EXOC6: variants seen among roughly 807,000 people sequenced by gnomAD.
EXOC6 encodes exocyst complex component 6.
A neutral mutation model predicts 112.5 loss-of-function variants in EXOC6; 60 were observed. The observed-to-expected ratio is 0.53, with a 90% CI of 0.43 to 0.66. The LOEUF is 0.66. EXOC6 is among the 30% of genes least tolerant of loss of function. EXOC6 has a pLI of 0.00. For missense variants in EXOC6, 855 were observed against 957.1 expected, an observed-to-expected ratio of 0.89 and a Z score of 1.41; for synonymous variants, 295 against 308.0, an observed-to-expected ratio of 0.96 and a Z score of 0.44.
chr10:92,835,780 G>T (rs1279040220), intron 1 of EXOC6, among the ~76,000 whole-genome samples: 1 of 152,144 alleles, frequency 6.6e-6, no homozygotes, highest in East Asian at 1.9e-4. Context: ...AAACAATTGA[G>T]ATTTGTTGGT....
chr10:92,884,270 G>A (rs1043302993), intron 1 of EXOC6, among the ~76,000 whole-genome samples: 4 of 152,210 alleles, frequency 2.6e-5, no homozygotes, highest in African/African-American at 7.2e-5. Flanking sequence ...CACAAGCAGT[G>A]TCAATGCCCA....
At chr10:92,981,944 C>T (rs536401262) in intron 18 of EXOC6, among the ~76,000 whole-genome samples, 16 of 152,164 alleles carry the variant, frequency 1.1e-4, no homozygotes, top group South Asian at 6.2e-4. Context: ...GGTGAAACTC[C>T]GTCTGTACTA....
chr10:92,860,917 G>A (rs960749097), intron 1 of EXOC6, among the ~76,000 whole-genome samples: 3 of 151,888 alleles, frequency 2.0e-5, no homozygotes, highest in Non-Finnish European at 2.9e-5. Flanking sequence ...CAGTGAACAT[G>A]GGTGTACCAA....
chr10:92,907,634 C>A (rs555317628), intron 5 of EXOC6, among the ~76,000 whole-genome samples: 2 of 152,150 alleles, frequency 1.3e-5, no homozygotes, highest in Non-Finnish European at 2.9e-5. Context: ...AGAAACCATA[C>A]CTGTTGTAGA....
chr10:92,910,227 G>A (rs553324678), intron 6 of EXOC6, among the ~76,000 whole-genome samples: 7 of 152,228 alleles, frequency 4.6e-5, no homozygotes, highest in African/African-American at 1.7e-4. Flanking sequence ...CAACCCAAAT[G>A]GCTTTCAGAA....
At chr10:93,005,958 G>A (rs1843958625) in intron 19 of EXOC6, among the ~76,000 whole-genome samples, 4 of 152,088 alleles carry the variant, frequency 2.6e-5, no homozygotes, top group Admixed American at 1.3e-4. Flanking sequence ...CCAGGGGTTC[G>A]AGACCAGCCT....
At chr10:93,000,664 T>C (rs1329413466) in intron 19 of EXOC6, among the ~76,000 whole-genome samples, 1 of 152,200 alleles carries the variant, frequency 6.6e-6, no homozygotes, top group Non-Finnish European at 1.5e-5. Flanking sequence ...TATGGTTGGC[T>C]CTACTTCTTA....
chr10:92,885,214 A>G (rs1291704678), intron 1 of EXOC6, among the ~76,000 whole-genome samples: 1 of 152,220 alleles, frequency 6.6e-6, no homozygotes, highest in African/African-American at 2.4e-5. Flanking sequence ...GGGTTGATAT[A>G]ATGAAGATAG....
At chr10:92,892,184 A>G (rs55944050) in intron 1 of EXOC6, among the ~76,000 whole-genome samples, 58,838 of 151,928 alleles carry the variant, frequency 0.39, 11,727 homozygotes, top group Middle Eastern at 0.49. Context: ...AAGTTGTTAC[A>G]CTCATAGTTA....
At chr10:92,996,881 T>C (rs527896894) in intron 18 of EXOC6, among the ~76,000 whole-genome samples, 3 of 152,304 alleles carry the variant, frequency 2.0e-5, no homozygotes, top group South Asian at 4.1e-4. Context: ...CATCTGTAGA[T>C]AATCTTGAAG....
In EXOC6 at chr10:92,837,023, A is replaced by G. The variant is rs562602144; in HGVS notation, c.86+2199A>G. Among the ~76,000 whole-genome samples, 9 of 151,954 alleles carry G rather than the reference A, an allele frequency of 5.9e-5. No individual in the cohort carries two copies. The South Asian group carries it at 1.5e-3, about 25-fold the overall frequency. ...AGGTGCTAGGCCTTGTGGAAACTCT[A>G]TAAAGGTTACTAAGATATAAGTAAG... On this transcript the variant is annotated intron_variant, in intron 1 of 21. Transcript: ENST00000371552.
intron 19 of EXOC6, chr10:92,999,268 G>A (rs998014330): frequency 4.5e-5 from 16 of 353,768 alleles, no homozygotes; most frequent in Non-Finnish European, 6.9e-5. Context: ...TTGCTGTGTT[G>A]CCCAGACTGG....
intron 20 of EXOC6, among the ~76,000 whole-genome samples, chr10:93,025,883 A>G (rs1845003388): frequency 6.6e-6 from 1 of 152,114 alleles, no homozygotes; most frequent in Non-Finnish European, 1.5e-5. Context: ...CCCACCCCAC[A>G]CTGTGCCTCT....
chr10:92,991,124 A>G (rs1280690192), intron 18 of EXOC6, among the ~76,000 whole-genome samples: 1 of 121,234 alleles, frequency 8.2e-6, no homozygotes, highest in Non-Finnish European at 1.7e-5. Flanking sequence ...TGATTCTGGC[A>G]ACTTTTTTTT....
intron 7 of EXOC6, among the ~76,000 whole-genome samples, chr10:92,918,416 C>CTTT (rs34709274): frequency 2.1e-5 from 3 of 141,732 alleles, no homozygotes; most frequent in Admixed American, 1.4e-4. Context: ...ATGTGCATTT[C>CTTT]TTTTTTTTTT....
chr10:92,872,912 A>G (rs1320154582), intron 1 of EXOC6, among the ~76,000 whole-genome samples: 1 of 152,298 alleles, frequency 6.6e-6, no homozygotes, highest in East Asian at 1.9e-4. Context: ...GGTTGAGTAT[A>G]TAGTTCATCT....
At chr10:92,902,549 G>A (rs965597524) in intron 5 of EXOC6, among the ~76,000 whole-genome samples, 1 of 151,412 alleles carries the variant, frequency 6.6e-6, no homozygotes, top group Non-Finnish European at 1.5e-5. Context: ...AGCCTCTTGT[G>A]TTTGCTTTTT....
intron 6 of EXOC6, among the ~76,000 whole-genome samples, chr10:92,910,936 A>ATTTGGGG: frequency 2.2e-5 from 1 of 46,424 alleles, no homozygotes; most frequent in South Asian, 1.1e-3. Context: ...CTCAATAATA[A>ATTTGGGG]TAATAATTTG....
At chr10:93,017,279 A>C (rs1339289450) in intron 20 of EXOC6, among the ~76,000 whole-genome samples, 1 of 151,740 alleles carries the variant, frequency 6.6e-6, no homozygotes, top group Non-Finnish European at 1.5e-5. Context: ...GGGTGGGAGA[A>C]GGGATGAGAG....
Sources: gnomAD v4.1 joint callset for allele counts (sites outside exome capture counted in the v4.1 genomes callset) on GRCh38, gnomAD v4.1.1 for gene constraint, MANE v1.5 for transcripts, NCBI Gene and HGNC (gene_info 2026-07-23, HGNC 2026-07-21) for gene names.